EPB41L5: variants seen among roughly 807,000 people sequenced by gnomAD.
EPB41L5 encodes the protein band 4.1-like protein 5.
A neutral mutation model predicts 106.6 loss-of-function variants in EPB41L5; 55 were observed. That is an observed-to-expected ratio of 0.52 (90% CI 0.42 to 0.65). The LOEUF (loss-of-function observed/expected upper bound fraction) is 0.65. Among genes scored for constraint, EPB41L5 ranks in the 30% least tolerant of loss-of-function variants. The pLI is 0.00. For synonymous variants in EPB41L5, 297 were observed against 306.7 expected (o/e 0.97, Z 0.33); for missense variants, 871 against 882.1 (o/e 0.99, Z 0.16).
intron 16 of EPB41L5, chr2:120,105,535 A>G (rs1684398722): frequency 1.0e-6 from 1 of 985,140 alleles, no homozygotes; most frequent in Non-Finnish European, 1.2e-6. Flanking sequence ...TGTCCATAGA[A>G]GACCTAAATA....
chr2:120,059,249 T>A (rs1487292341), intron 3 of EPB41L5, among the ~76,000 whole-genome samples: 3 of 151,932 alleles, frequency 2.0e-5, no homozygotes, highest in Non-Finnish European at 4.4e-5. Context: ...ACAAACAAAC[T>A]AAAAAAAGTG....
chr2:120,019,141 G>A lies in EPB41L5; in HGVS notation c.57G>A (p.Glu19=). 2 of 1,613,372 alleles carry A rather than the reference G, an allele frequency of 1.2e-6. No homozygotes were observed. Among genetic ancestry groups the A allele is most frequent in the Non-Finnish European group, 1.7e-6 (2 of 1,179,764 alleles). ...LGRRSMRKHA[E]KERLREAQRA... ...GTCGGTCTATGCGTAAACATGCAGA[G>A]AAGGAACGACTCCGAGAAGCACAAC... The change falls in exon 2 of 25, where the codon GAG becomes GAA. Residue 19 remains glutamate, a synonymous_variant. Transcript: ENST00000263713.
intron 2 of EPB41L5, among the ~76,000 whole-genome samples, chr2:120,041,011 A>C (rs1679368882): frequency 6.6e-6 from 1 of 152,172 alleles, no homozygotes; most frequent in African/African-American, 2.4e-5. Flanking sequence ...GCTTATGTGG[A>C]TTATACCTAC....
chr2:120,150,228 G>A (rs1686609459), intron 20 of EPB41L5, among the ~76,000 whole-genome samples: 1 of 152,138 alleles, frequency 6.6e-6, no homozygotes, highest in African/African-American at 2.4e-5. Context: ...TTTCTCTAAT[G>A]ATTAAGAATG....
At chr2:120,171,902 G>C (rs1380923446) in intron 24 of EPB41L5, among the ~76,000 whole-genome samples, 1 of 150,954 alleles carries the variant, frequency 6.6e-6, no homozygotes, top group Non-Finnish European at 1.5e-5. Flanking sequence ...TTGACAAATA[G>C]AAGTAGGAAA....
intron 2 of EPB41L5, among the ~76,000 whole-genome samples, chr2:120,031,889 A>C (rs903509612): frequency 1.3e-5 from 2 of 152,110 alleles, no homozygotes; most frequent in Non-Finnish European, 2.9e-5. Context: ...TTATCCCAGC[A>C]CCTTGGGAGG....
At chr2:120,083,589 G>A (rs1162525638) in intron 10 of EPB41L5, among the ~76,000 whole-genome samples, 1 of 152,186 alleles carries the variant, frequency 6.6e-6, no homozygotes, top group African/African-American at 2.4e-5. Context: ...GCTGATTTGG[G>A]GTGGAGAGTT....
At chr2:120,137,908 A>C (rs1685998706) in intron 18 of EPB41L5, among the ~76,000 whole-genome samples, 1 of 152,094 alleles carries the variant, frequency 6.6e-6, no homozygotes, top group Admixed American at 6.6e-5. Flanking sequence ...AAAAAAGGAA[A>C]ACTGTAGACC....
At chr2:120,036,262 A>G (rs968978499) in intron 2 of EPB41L5, among the ~76,000 whole-genome samples, 4 of 152,216 alleles carry the variant, frequency 2.6e-5, no homozygotes, top group African/African-American at 9.6e-5. Flanking sequence ...CCTCCTTCCC[A>G]ATGCTACTTT....
Position 120,160,920 on chromosome 2 carries a change from G to A in EPB41L5, c.1833G>A (p.Glu611=). The stretch of plus-strand genomic sequence containing the variant: ...AGAATAATGTGCCCCTCCCCAAAGA[G>A]TCTCTTGAGACTCTGATGCTTATCA... ...LNENNVPLPK[E]SLETLMLITP... Residue 611 remains glutamate (E), a synonymous_variant, in exon 21 of 25, where the codon GAG becomes GAA. Transcript: ENST00000263713. The A allele has an allele frequency of 6.2e-7, 1 of 1,613,906 alleles. No homozygotes were observed. Among genetic ancestry groups the A allele is most frequent in the Non-Finnish European group, 8.5e-7 (1 of 1,179,842 alleles).
intron 17 of EPB41L5, 93 bp from the exon 18 acceptor site, chr2:120,131,525 T>C (rs1346935003): frequency 6.7e-6 from 5 of 749,770 alleles, no homozygotes; most frequent in Non-Finnish European, 9.4e-6. Context: ...TGATAACTGA[T>C]GTTGAGAAGA....
intron 3 of EPB41L5, among the ~76,000 whole-genome samples, chr2:120,049,142 A>AT (rs1205346472): frequency 2.6e-5 from 4 of 152,126 alleles, no homozygotes; most frequent in Non-Finnish European, 5.9e-5. Context: ...TATTCTGCTG[A>AT]TTTGGGGTGG....
chr2:120,091,667 G>A lies in EPB41L5; in HGVS notation c.1150+6G>A, dbSNP rs1683421241. ...ACGAACTCTACAAATGAAAGGTGAA[G>A]TGCAACCCTCTTTCAAAGGATTATT... On this transcript the variant is annotated splice_donor_region_variant and intron_variant, in intron 13 of 24. Transcript: ENST00000263713. 2 of 1,592,034 alleles carry A rather than the reference G, an allele frequency of 1.3e-6. No individual in the cohort carries two copies. Among genetic ancestry groups the A allele is most frequent in the African/African-American group, 1.3e-5 (1 of 74,376 alleles).
At chr2:120,091,493 A>T in intron 12 of EPB41L5, 62 bp from the exon 13 acceptor site, 1 of 1,142,732 alleles carries the variant, frequency 8.8e-7, no homozygotes, top group Non-Finnish European at 1.3e-6. Flanking sequence ...GGACTGTCTT[A>T]TTTGTGTGTG....
At chr2:120,059,463 A>T (rs766099194) in intron 3 of EPB41L5, among the ~76,000 whole-genome samples, 53 of 152,152 alleles carry the variant, frequency 3.5e-4, no homozygotes, top group East Asian at 1.4e-3. Context: ...GATGATTTTT[A>T]AAAAAAAGAT....
At chr2:120,171,280 C>T (rs915624921) in intron 24 of EPB41L5, among the ~76,000 whole-genome samples, 2 of 152,198 alleles carry the variant, frequency 1.3e-5, no homozygotes, top group Non-Finnish European at 2.9e-5. Flanking sequence ...GTTCACACTG[C>T]AGAACCCTGA....
intron 16 of EPB41L5, among the ~76,000 whole-genome samples, chr2:120,102,967 G>A (rs912310569): frequency 4.6e-5 from 7 of 152,176 alleles, no homozygotes; most frequent in African/African-American, 1.7e-4. Context: ...TAACTTGAGG[G>A]TTGTGATTTT....
intron 18 of EPB41L5, among the ~76,000 whole-genome samples, chr2:120,138,656 T>G (rs1182041655): frequency 6.6e-6 from 1 of 151,922 alleles, no homozygotes; most frequent in Non-Finnish European, 1.5e-5. Context: ...CAATGAAAAC[T>G]ACAAAATAAT....
intron 2 of EPB41L5, among the ~76,000 whole-genome samples, chr2:120,024,489 C>T (rs1249252142): frequency 6.6e-6 from 1 of 152,106 alleles, no homozygotes; most frequent in Non-Finnish European, 1.5e-5. Flanking sequence ...TGAAATCTCA[C>T]TCTGTTGCCC....
Sources: allele counts gnomAD v4.1 joint callset (sites outside exome capture counted in the v4.1 genomes callset), GRCh38; gene constraint gnomAD v4.1.1; transcripts MANE v1.5; gene names NCBI Gene and HGNC (gene_info 2026-07-23, HGNC 2026-07-21).